DOCK4: variants seen among roughly 807,000 people sequenced by gnomAD.
The protein encoded by DOCK4 is dedicator of cytokinesis 4.
A neutral mutation model predicts 268.1 loss-of-function variants in DOCK4; 97 were observed. The ratio of observed to expected loss-of-function variants is 0.36; its 90% confidence interval spans 0.31 to 0.43. DOCK4 has a LOEUF of 0.43. Ranked by LOEUF, DOCK4 falls within the 20% of genes least tolerant of loss-of-function variation. The probability of loss-of-function intolerance (pLI) is 1.00; values close to 1 mark genes in which losing one functional copy is unlikely to be tolerated. For synonymous variants in DOCK4, 954 were observed against 887.2 expected (o/e 1.08, Z -1.34); for missense variants, 2,145 against 2,455.7 (o/e 0.87, Z 2.67).
chr7:112,065,046 A>T (rs1806788884), intron 1 of DOCK4, among the ~76,000 whole-genome samples: 1 of 152,188 alleles, frequency 6.6e-6, no homozygotes, highest in Non-Finnish European at 1.5e-5. Flanking sequence ...TTGTTATGGT[A>T]GCCTGAGCAG....
chr7:111,769,762 GAA>G, intron 36 of DOCK4, 85 bp from the exon 37 acceptor site: 1 of 1,444,062 alleles, frequency 6.9e-7, no homozygotes, highest in South Asian at 1.4e-5. Flanking sequence ...ACAAACTGGG[GAA>G]AAAAAATACT....
At chr7:112,052,215 T>C (rs7802310) in intron 1 of DOCK4, among the ~76,000 whole-genome samples, 13,408 of 152,112 alleles carry the variant, frequency 0.088, 983 homozygotes, top group East Asian at 0.39. Context: ...TTATAAAATA[T>C]TTTTGATCTG....
At chr7:111,897,063 G>A (rs946297169) in intron 15 of DOCK4, among the ~76,000 whole-genome samples, 10 of 151,960 alleles carry the variant, frequency 6.6e-5, no homozygotes, top group African/African-American at 1.9e-4. Context: ...GTCTTCCTAC[G>A]CATGACCATA....
At chr7:112,075,375 A>G (rs1807967673) in intron 1 of DOCK4, among the ~76,000 whole-genome samples, 1 of 152,186 alleles carries the variant, frequency 6.6e-6, no homozygotes, top group South Asian at 2.1e-4. Context: ...CTCACATGCA[A>G]TTCCCTGCTT....
rs139247342 is a variant in DOCK4 at position 111,931,528 on chromosome 7, A to T, written c.1066+4012T>A. Reference sequence around the variant, plus strand: ...AGAATGTGCTTCCCTTCCTTCCTGAAGTTAATCAGAAGGCCAACAATTAAG... The same window carrying T: ...AGAATGTGCTTCCCTTCCTTCCTGATGTTAATCAGAAGGCCAACAATTAAG... On this transcript the variant is annotated intron_variant, in intron 12 of 52. Coordinates refer to ENST00000428084, the MANE Select transcript of DOCK4 (RefSeq NM_001363540.2). Among the ~76,000 whole-genome samples, 596 of 152,332 alleles carry T rather than the reference A, an allele frequency of 3.9e-3. 6 individuals are homozygous for T. Among genetic ancestry groups the T allele is most frequent in the African/African-American group, 0.013 (558 of 41,570 alleles).
At chr7:112,020,491 T>G (rs1308347287) in intron 1 of DOCK4, among the ~76,000 whole-genome samples, 2 of 152,062 alleles carry the variant, frequency 1.3e-5, no homozygotes, top group Non-Finnish European at 2.9e-5. Flanking sequence ...ACTGGTCTCG[T>G]GAAAAACCAA....
chr7:112,066,412 T>C (rs1367298025), intron 1 of DOCK4, among the ~76,000 whole-genome samples: 2 of 151,656 alleles, frequency 1.3e-5, no homozygotes, highest in Non-Finnish European at 2.9e-5. Flanking sequence ...GCAGATGGCC[T>C]ATCATGGGAC....
chr7:111,793,472 C>T (rs1172193832), intron 30 of DOCK4, among the ~76,000 whole-genome samples: 1 of 152,170 alleles, frequency 6.6e-6, no homozygotes, highest in Non-Finnish European at 1.5e-5. Flanking sequence ...TGATAAGGAA[C>T]AAAGTATTCA....
intron 36 of DOCK4, among the ~76,000 whole-genome samples, chr7:111,774,252 G>A (rs915969265): frequency 3.9e-5 from 6 of 152,132 alleles, no homozygotes; most frequent in African/African-American, 1.4e-4. Flanking sequence ...ATCACCTGAG[G>A]CCAGAAGTTC....
At chr7:111,747,173 G>T in intron 43 of DOCK4, 94 bp downstream of exon 43, 3 of 1,194,628 alleles carry the variant, frequency 2.5e-6, no homozygotes, top group African/African-American at 1.5e-5. Flanking sequence ...ATGTTTGCGT[G>T]CTGATATGGG....
intron 16 of DOCK4, among the ~76,000 whole-genome samples, chr7:111,890,246 T>C (rs1446074543): frequency 6.6e-6 from 1 of 152,234 alleles, no homozygotes; most frequent in African/African-American, 2.4e-5. Context: ...AACTTTTTCT[T>C]AATTCTTTTT....
At chr7:111,971,498 G>A (rs528610972) in intron 8 of DOCK4, 12 of 196,476 alleles carry the variant, frequency 6.1e-5, no homozygotes, top group East Asian at 4.9e-4. Flanking sequence ...ATTTTATGAC[G>A]CAGGGCAGGC....
rs971866571 is a variant in DOCK4, at chr7:111,726,650, TAA to T, written c.*1622_*1623del. 2.6e-5 allele frequency: 4 copies of T among 152,638 alleles called. No individual in the cohort carries two copies. The highest frequency in any genetic ancestry group is 5.9e-5 in the Non-Finnish European group (4 of 68,022). 9.5% of individuals were successfully genotyped at this position (152,638 alleles called of 1,614,324 possible). ...TTAATTTTTCCGACATTCAAAATTG[TAA>T]AGTCAATATGGCAGAATTGTTAAAA... is the stretch of plus-strand genomic sequence containing the variant. On this transcript the variant is annotated 3_prime_UTR_variant, in exon 53 of 53. Transcript: ENST00000428084.
intron 1 of DOCK4, among the ~76,000 whole-genome samples, chr7:112,064,691 G>C (rs1806760606): frequency 6.6e-6 from 1 of 152,122 alleles, no homozygotes; most frequent in Admixed American, 6.5e-5. Flanking sequence ...CCCCCTTCAA[G>C]ACTCAGAAGT....
intron 6 of DOCK4, among the ~76,000 whole-genome samples, chr7:111,985,768 C>A (rs926635542): frequency 1.3e-5 from 2 of 152,172 alleles, no homozygotes; most frequent in African/African-American, 4.8e-5. Context: ...ACAATAAACA[C>A]TGTGATTTGT....
chr7:112,023,709 A>G (rs1802537359), intron 1 of DOCK4: 1 of 439,760 alleles, frequency 2.3e-6, no homozygotes, highest in East Asian at 7.0e-5. Flanking sequence ...TTTGTGCTCC[A>G]TCCCTGAAAG....
At chr7:111,782,584 C>T (rs1003973663) in intron 35 of DOCK4, among the ~76,000 whole-genome samples, 8 of 152,052 alleles carry the variant, frequency 5.3e-5, no homozygotes, top group Admixed American at 3.3e-4. Context: ...GTAGTGCAAC[C>T]GGGGAACCCA....
chr7:112,180,251 G>C (rs192592664), intron 1 of DOCK4, among the ~76,000 whole-genome samples: 1 of 151,368 alleles, frequency 6.6e-6, no homozygotes, highest in African/African-American at 2.4e-5. Flanking sequence ...ACCCCCGGCA[G>C]ATGCAAAACG....
At chr7:112,124,455 T>C (rs1813034062) in intron 1 of DOCK4, among the ~76,000 whole-genome samples, 1 of 152,216 alleles carries the variant, frequency 6.6e-6, no homozygotes. Context: ...CAGAGTATTC[T>C]ACCCATGTCC....
Sources: allele counts gnomAD v4.1 joint callset (sites outside exome capture counted in the v4.1 genomes callset), GRCh38; gene constraint gnomAD v4.1.1; transcripts MANE v1.5; gene names NCBI Gene and HGNC (gene_info 2026-07-23, HGNC 2026-07-21).